The following RFC1 variants were observed in gnomAD, a reference collection of about 807,000 sequenced individuals.
RFC1 encodes replication factor C subunit 1, also known as A1 140 kDa subunit.
RFC1 carries 37 observed loss-of-function variants against 137.4 expected under a neutral mutation model. The ratio of observed to expected loss-of-function variants is 0.27; its 90% CI spans 0.21 to 0.35. The LOEUF is 0.35. Among genes scored for constraint, RFC1 ranks in the 10% least tolerant of loss-of-function variants. The pLI, the probability that RFC1 is intolerant of heterozygous loss-of-function variation, is 1.00. For missense variants in RFC1, 1,205 were observed against 1,358.5 expected (o/e 0.89, Z 1.78); for synonymous variants, 429 against 455.7 (o/e 0.94, Z 0.75).
Position 39,291,868 on chromosome 4 carries a change from A to T in RFC1, c.2955-16T>A. ...GGAGTAAGTTCTGAAACCACAACAA[A>T]AGAGACATAGTCAACAGCAAAGTAT... On this transcript the variant is annotated splice_polypyrimidine_tract_variant and intron_variant, in intron 22 of 24. Transcript: ENST00000349703. 6.3e-7 allele frequency: 1 copy of T among 1,592,260 alleles called. No homozygotes were observed. The highest frequency in any genetic ancestry group is 8.6e-7 in the Non-Finnish European group (1 of 1,160,060).
Position 39,302,574 on chromosome 4 carries a change from A to C in RFC1, c.2362T>G (p.Phe788Val). ...GGGGGAATCTTTAAACCTTCTTTAA[A>C]TGCAATAGACATCATAGCACCCTGA... is the stretch of plus-strand genomic sequence containing the variant. The part of the protein sequence containing the change: ...QIKGAMMSIA[F>V]KEGLKIPPPA... The change falls in exon 18 of 25, where the codon TTT becomes GTT. Residue 788 changes from phenylalanine to valine, a missense_variant. By Grantham distance (50) the Phe-to-Val change is conservative. Transcript: ENST00000349703. The C allele has an allele frequency of 6.2e-7, 1 of 1,611,126 alleles. No homozygotes were observed. Among genetic ancestry groups the C allele is most frequent in the South Asian group, 1.1e-5 (1 of 90,722 alleles).
At chr4:39,329,983 G>C (rs1740012399) in intron 4 of RFC1, among the ~76,000 whole-genome samples, 1 of 152,110 alleles carries the variant, frequency 6.6e-6, no homozygotes, top group African/African-American at 2.4e-5. Flanking sequence ...ACAGTGAGCT[G>C]AGATTGCACC....
At chr4:39,306,992 G>A (rs1408578953) in intron 13 of RFC1, among the ~76,000 whole-genome samples, 1 of 152,116 alleles carries the variant, frequency 6.6e-6, no homozygotes, top group African/African-American at 2.4e-5. Flanking sequence ...ACAGGCCATG[G>A]AGCACGCTGC....
intron 12 of RFC1, among the ~76,000 whole-genome samples, chr4:39,309,919 C>G (rs1337745524): frequency 6.6e-6 from 1 of 152,068 alleles, no homozygotes; most frequent in Non-Finnish European, 1.5e-5. Context: ...GCATAAGTAC[C>G]TCCTTCTCCT....
chr4:39,342,173 T>C (rs895836826), intron 4 of RFC1, among the ~76,000 whole-genome samples, 172 bp downstream of exon 4: 15 of 152,226 alleles, frequency 9.9e-5, no homozygotes. Context: ...AATTGGTCCT[T>C]AATCTACTGG....
At chr4:39,365,153 G>GAAAAAA (rs745527928) in intron 1 of RFC1, among the ~76,000 whole-genome samples, 122 of 79,404 alleles carry the variant, frequency 1.5e-3, no homozygotes, top group South Asian at 2.9e-3. Context: ...GGGTTGAAAT[G>GAAAAAA]AAAAAAAAAA....
In RFC1 at chr4:39,300,056, G is replaced by A. The variant is rs752627380; in HGVS notation, c.2773C>T (p.Arg925Trp). ...CDGDLVDSQI[R>W]SKQNWSLLPA... ...AGAAGACTCCAGTTTTGCTTACTCC[G>A]GATCTGGCTGTCCACTAGGTCACCA... Residue 925 changes from arginine to tryptophan, a missense_variant, in exon 21 of 25, where the codon CGG becomes TGG. Physicochemically the swap from Arg to Trp is moderately radical, Grantham distance 101. This residue lies in a region of RFC1 where 237 missense variants were observed against 304.2 expected (regional missense o/e 0.78). Transcript: ENST00000349703. The A allele has an allele frequency of 2.3e-5, 37 of 1,613,862 alleles. No individual in the cohort carries two copies. Among genetic ancestry groups the A allele is most frequent in the African/African-American group, 1.1e-4 (8 of 74,922 alleles).
chr4:39,314,863 C>T (rs1739161615), intron 10 of RFC1, among the ~76,000 whole-genome samples: 1 of 152,062 alleles, frequency 6.6e-6, no homozygotes. Flanking sequence ...AAATCTCATG[C>T]TACAATTGAT....
At chr4:39,353,422 T>TA (rs1332622799) in intron 1 of RFC1, among the ~76,000 whole-genome samples, 14 of 105,544 alleles carry the variant, frequency 1.3e-4, no homozygotes, top group Admixed American at 4.1e-4. Context: ...AAAAAAAAAT[T>TA]AAAAAAAAAG....
At chr4:39,331,957 G>A (rs1718102481) in intron 4 of RFC1, among the ~76,000 whole-genome samples, 1 of 152,090 alleles carries the variant, frequency 6.6e-6, no homozygotes, top group Non-Finnish European at 1.5e-5. Flanking sequence ...ATGAATCATG[G>A]GGACAGGTCT....
chr4:39,299,610 C>CAAAAAAAAAAAAAAAAAAAAAAAA (rs970461214), intron 21 of RFC1, among the ~76,000 whole-genome samples: 2 of 40,480 alleles, frequency 4.9e-5, no homozygotes, highest in African/African-American at 9.0e-5. Flanking sequence ...AACACTGTCT[C>CAAAAAAAAAAAAAAAAAAAAAAAA]AAAAAAAAAA....
intron 23 of RFC1, among the ~76,000 whole-genome samples, chr4:39,290,812 CAA>C (rs36119185): frequency 3.8e-5 from 5 of 130,132 alleles, no homozygotes; most frequent in Non-Finnish European, 5.0e-5. Context: ...TAGACTGTCT[CAA>C]AAAAAAAAAA....
At chr4:39,348,651 A>C (rs1221856164) in intron 2 of RFC1, among the ~76,000 whole-genome samples, 1 of 151,988 alleles carries the variant, frequency 6.6e-6, no homozygotes, top group African/African-American at 2.4e-5. Context: ...AGGACAACAC[A>C]GCTATTCTTC....
intron 6 of RFC1, among the ~76,000 whole-genome samples, chr4:39,324,787 T>A (rs762008503): frequency 1.3e-5 from 2 of 152,180 alleles, no homozygotes; most frequent in African/African-American, 2.4e-5. Flanking sequence ...ATAGCAAGTA[T>A]AATAAATGAT....
rs199688793 is a variant in RFC1, at chr4:39,302,753, C to T, written c.2324G>A (p.Arg775Gln). Residue 775 changes from arginine to glutamine, a missense_variant, in exon 17 of 25, where the codon CGG (arginine) becomes CAG (glutamine). This residue lies in a region of RFC1 where 962 missense variants were observed against 1,035.3 expected (regional missense o/e 0.93). Transcript: ENST00000349703. The stretch of plus-strand genomic sequence containing the variant: ...TCATCATACCTTAATCTGTTCAACC[C>T]GAGGTCTTTGAAAACGAAGATCAAA... Reference protein sequence around the residue: ...YCFDLRFQRPRVEQIKGAMMS... With the variant: ...YCFDLRFQRPQVEQIKGAMMS... 38 of 1,594,020 alleles carry T rather than the reference C, an allele frequency of 2.4e-5. No individual in the cohort carries two copies. The highest frequency in any genetic ancestry group is 3.0e-5 in the Non-Finnish European group (35 of 1,174,052).
chr4:39,345,574 G>A, intron 2 of RFC1, 98 bp from the exon 3 acceptor site: 12 of 906,852 alleles, frequency 1.3e-5, no homozygotes, highest in Non-Finnish European at 1.7e-5. Flanking sequence ...AGGCTGGAGC[G>A]CAGTGGCACG....
intron 4 of RFC1, among the ~76,000 whole-genome samples, chr4:39,335,835 C>T (rs772476073): frequency 1.3e-5 from 2 of 152,192 alleles, no homozygotes; most frequent in Non-Finnish European, 2.9e-5. Flanking sequence ...GGTCTCAGTA[C>T]GAAAGCCAAG....
chr4:39,287,665 CCAA>C lies in RFC1; in HGVS notation c.*1093_*1095del, dbSNP rs1161242330. On this transcript the variant is annotated 3_prime_UTR_variant, in exon 25 of 25. Coordinates refer to ENST00000349703, the MANE Select transcript of RFC1 (RefSeq NM_002913.5). ...GGTAGCACAGACCTCTGAGCATTTA[CCAA>C]CAAGATTAAAAAATAGCTAGACATC... The C allele has an allele frequency of 2.6e-5, 4 of 152,114 alleles. No homozygotes were observed. Among genetic ancestry groups the C allele is most frequent in the Non-Finnish European group, 5.9e-5 (4 of 68,034 alleles). 9.4% of individuals were successfully genotyped at this position (152,114 alleles called of 1,614,324 possible). A position where few individuals can be genotyped will look rare whatever the true frequency, so the allele number is the denominator to read the frequency against.
At chr4:39,318,846 AT>A (rs567411833) in intron 9 of RFC1, among the ~76,000 whole-genome samples, 64 of 152,364 alleles carry the variant, frequency 4.2e-4, no homozygotes, top group African/African-American at 1.4e-3. Context: ...CTAAAATATA[AT>A]GGTGATGACC....
Sources: allele counts gnomAD v4.1 joint callset (sites outside exome capture counted in the v4.1 genomes callset), GRCh38; gene constraint gnomAD v4.1.1; regional missense constraint gnomAD v4.1.1; transcripts MANE v1.5; gene names NCBI Gene and HGNC (gene_info 2026-07-23, HGNC 2026-07-21).